NDFIP1: variants seen among roughly 807,000 people sequenced by gnomAD.
NDFIP1 encodes the protein Nedd4 family interacting protein 1.
Under a neutral mutation model 28.8 loss-of-function variants are expected in NDFIP1, and 7 were observed. That is an observed-to-expected ratio of 0.24 (90% CI 0.14 to 0.46). The LOEUF (loss-of-function observed/expected upper bound fraction) is 0.46, where lower values mean the gene tolerates loss of function less well. Among genes scored for constraint, NDFIP1 ranks in the 20% least tolerant of loss-of-function variants. The probability of loss-of-function intolerance (pLI) is 0.99; values close to 1 mark genes in which losing one functional copy is unlikely to be tolerated. For synonymous variants in NDFIP1, 92 were observed against 101.0 expected (o/e 0.91, Z 0.53); for missense variants, 194 against 269.1 (o/e 0.72, Z 1.95).
At chr5:142,151,589 T>G (rs1005018695) in intron 7 of NDFIP1, 142 bp from the exon 8 acceptor site, 1 of 152,416 alleles carries the variant, frequency 6.6e-6, no homozygotes, top group East Asian at 1.9e-4. Flanking sequence ...AATACCGTGA[T>G]GTCAGTATAC....
chr5:142,131,129 AT>A (rs1362909438), intron 1 of NDFIP1, among the ~76,000 whole-genome samples: 2 of 151,506 alleles, frequency 1.3e-5, no homozygotes, highest in Non-Finnish European at 2.9e-5. Flanking sequence ...TAATTTTTGT[AT>A]TTTTTGTAGA....
At chr5:142,109,542 T>C (rs1250353793) in intron 1 of NDFIP1, among the ~76,000 whole-genome samples, 1 of 152,128 alleles carries the variant, frequency 6.6e-6, no homozygotes, top group East Asian at 1.9e-4. Context: ...GCCTCCGTTT[T>C]AAGACAAAAG....
intron 7 of NDFIP1, among the ~76,000 whole-genome samples, chr5:142,146,452 A>G (rs1004291536): frequency 1.3e-5 from 2 of 152,220 alleles, no homozygotes; most frequent in African/African-American, 4.8e-5. Flanking sequence ...ATTGGAATTT[A>G]TAGTTAGCCT....
intron 7 of NDFIP1, among the ~76,000 whole-genome samples, chr5:142,145,725 A>T (rs1251111752): frequency 2.0e-5 from 3 of 152,110 alleles, no homozygotes; most frequent in African/African-American, 7.2e-5. Context: ...AAGGCTAAAA[A>T]GTCAGGTTGA....
intron 1 of NDFIP1, among the ~76,000 whole-genome samples, chr5:142,122,637 A>G (rs888373974): frequency 2.0e-5 from 3 of 152,134 alleles, no homozygotes; most frequent in Non-Finnish European, 4.4e-5. Flanking sequence ...TCTGGTTATT[A>G]TATATTCTCA....
chr5:142,130,435 A>G (rs534414320), intron 1 of NDFIP1, among the ~76,000 whole-genome samples: 109 of 152,320 alleles, frequency 7.2e-4, no homozygotes, highest in African/African-American at 2.5e-3. Flanking sequence ...TCAATTATTT[A>G]AGATTTAATT....
At chr5:142,135,880 A>C in intron 4 of NDFIP1, 63 bp downstream of exon 4, 1 of 1,130,904 alleles carries the variant, frequency 8.8e-7, no homozygotes, top group Non-Finnish European at 1.3e-6. Context: ...TTATGGGTGA[A>C]TCTGACTGAA....
intron 7 of NDFIP1, among the ~76,000 whole-genome samples, chr5:142,147,152 C>G (rs1165643021): frequency 2.0e-5 from 3 of 152,014 alleles, no homozygotes; most frequent in Admixed American, 1.3e-4. Context: ...CCTGACACAC[C>G]CAGAGAATTC....
intron 1 of NDFIP1, among the ~76,000 whole-genome samples, chr5:142,126,438 A>G (rs1488303125): frequency 3.3e-5 from 5 of 152,250 alleles, no homozygotes; most frequent in Non-Finnish European, 4.4e-5. Context: ...CTGTTTAAAT[A>G]TGACCAAACC....
At chr5:142,134,614 A>G (rs763902248) in intron 3 of NDFIP1, among the ~76,000 whole-genome samples, 1 of 152,150 alleles carries the variant, frequency 6.6e-6, no homozygotes, top group Admixed American at 6.5e-5. Flanking sequence ...AAGTTTTGAT[A>G]TTCCCTAAAA....
At chr5:142,110,413 T>G (rs890307306) in intron 1 of NDFIP1, among the ~76,000 whole-genome samples, 3 of 152,198 alleles carry the variant, frequency 2.0e-5, no homozygotes, top group African/African-American at 7.2e-5. Flanking sequence ...TGTCATCTGA[T>G]TTCATCCTTT....
At chr5:142,135,214 G>A (rs555342864) in intron 3 of NDFIP1, among the ~76,000 whole-genome samples, 8 of 151,990 alleles carry the variant, frequency 5.3e-5, no homozygotes, top group Non-Finnish European at 8.8e-5. Context: ...TCCTGACCTC[G>A]TGATCTGCCT....
chr5:142,124,797 C>CT (rs1046768019), intron 1 of NDFIP1, among the ~76,000 whole-genome samples: 27 of 150,406 alleles, frequency 1.8e-4, no homozygotes, highest in South Asian at 1.1e-3. Context: ...TTTTTCTTTT[C>CT]TTTTTTTTGG....
chr5:142,130,032 G>A (rs10062349), intron 1 of NDFIP1, among the ~76,000 whole-genome samples: 102,498 of 151,812 alleles, frequency 0.68, 34,949 homozygotes, highest in African/African-American at 0.78. Context: ...TCTTTGTAGC[G>A]GTATGGTTTA....
chr5:142,131,926 C>T, intron 2 of NDFIP1, 31 bp downstream of exon 2: 2 of 1,520,514 alleles, frequency 1.3e-6, no homozygotes, highest in South Asian at 2.5e-5. Context: ...ATCACGGAAT[C>T]CTTAAAAACA....
intron 1 of NDFIP1, among the ~76,000 whole-genome samples, chr5:142,127,300 C>T (rs148491119): frequency 6.6e-6 from 1 of 152,182 alleles, no homozygotes; most frequent in Non-Finnish European, 1.5e-5. Context: ...ACAGGTGTGA[C>T]TTGAGAACAA....
At position 142,109,045 on chromosome 5, in the gene NDFIP1, G is replaced by T; in HGVS notation, c.63+8G>T. The T allele has an allele frequency of 7.1e-7, 1 of 1,412,600 alleles. No homozygotes were observed. Among genetic ancestry groups the T allele is most frequent in the South Asian group, 1.4e-5 (1 of 69,372 alleles). 87.5% of individuals were successfully genotyped at this position (1,412,600 alleles called of 1,614,324 possible). ...GGCAGCCGGTACCAGCAGGTAAGCG[G>T]CGCCCGACTCCAGCCCCGAACTCCG... On this transcript the variant is annotated splice_region_variant and intron_variant, in intron 1 of 7. Transcript: ENST00000253814.
intron 1 of NDFIP1, among the ~76,000 whole-genome samples, chr5:142,124,387 G>A (rs1258666363): frequency 6.6e-6 from 1 of 152,096 alleles, no homozygotes; most frequent in African/African-American, 2.4e-5. Context: ...GTAAAGAATA[G>A]GAAGATCAGA....
intron 1 of NDFIP1, among the ~76,000 whole-genome samples, chr5:142,130,359 G>A (rs1757214568): frequency 6.6e-6 from 1 of 152,120 alleles, no homozygotes; most frequent in African/African-American, 2.4e-5. Context: ...GCTGAGATAG[G>A]GAAAAGGGAT....
Sources: gnomAD v4.1 joint callset for allele counts (sites outside exome capture counted in the v4.1 genomes callset) on GRCh38, gnomAD v4.1.1 for gene constraint, MANE v1.5 for transcripts, NCBI Gene and HGNC (gene_info 2026-07-23, HGNC 2026-07-21) for gene names.